The following DOCK5 variants were observed in gnomAD, a reference collection of about 807,000 sequenced individuals.
DOCK5 encodes the protein dedicator of cytokinesis protein 5.
Under a neutral mutation model 251.8 loss-of-function variants are expected in DOCK5, and 142 were observed. The observed-to-expected ratio is 0.56, with a 90% CI of 0.49 to 0.65. The LOEUF (loss-of-function observed/expected upper bound fraction) is 0.65, where lower values mean the gene tolerates loss of function less well. Ranked by LOEUF, DOCK5 falls within the 30% of genes least tolerant of loss-of-function variation. DOCK5 has a pLI of 0.00. For missense variants in DOCK5, 2,111 were observed against 2,312.3 expected (o/e 0.91, Z 1.79); for synonymous variants, 842 against 835.5 (o/e 1.01, Z -0.13).
intron 1 of DOCK5, among the ~76,000 whole-genome samples, chr8:25,225,756 C>T (rs1802516322): frequency 6.6e-6 from 1 of 151,470 alleles, no homozygotes; most frequent in African/African-American, 2.4e-5. Flanking sequence ...ATGGATGAAC[C>T]TTGAGGACGT....
At chr8:25,189,046 C>CTT (rs869176300) in intron 1 of DOCK5, among the ~76,000 whole-genome samples, 30 of 33,432 alleles carry the variant, frequency 9.0e-4, no homozygotes, top group African/African-American at 1.2e-3. Flanking sequence ...TTCTTTCTTT[C>CTT]TTTTTTTTTT....
chr8:25,186,818 T>G (rs1462084936), intron 1 of DOCK5, among the ~76,000 whole-genome samples: 2 of 152,226 alleles, frequency 1.3e-5, no homozygotes, highest in Non-Finnish European at 2.9e-5. Context: ...GTGGTTTTTA[T>G]TGCCATAGTC....
At position 25,412,364 on chromosome 8, in the gene DOCK5, T is replaced by G. The variant is rs926735058; in HGVS notation, c.*1066T>G. On this transcript the variant is annotated 3_prime_UTR_variant, in exon 52 of 52. Transcript: ENST00000276440. ...GCGATTTAGGTGACCAAATATTACA[T>G]ACATAAATAGCCACATGAAGTTTTA... 29 of 152,298 alleles carry G rather than the reference T, an allele frequency of 1.9e-4. No homozygotes were observed. The highest frequency in any genetic ancestry group is 6.7e-4 in the African/African-American group (28 of 41,566). The allele number at this position is 152,298 out of a possible 1,614,324, so 9.4% of individuals were successfully genotyped here. A position where few individuals can be genotyped will look rare whatever the true frequency, so the allele number is the denominator to read the frequency against.
At chr8:25,358,702 A>G (rs920257296) in intron 27 of DOCK5, among the ~76,000 whole-genome samples, 14 of 152,186 alleles carry the variant, frequency 9.2e-5, no homozygotes, top group African/African-American at 3.4e-4. Flanking sequence ...TGGTAATCTC[A>G]TTGAGGTGTC....
chr8:25,265,735 A>ACTTCTCCTAC (rs1426739997), intron 2 of DOCK5, among the ~76,000 whole-genome samples: 6 of 151,922 alleles, frequency 3.9e-5, no homozygotes, highest in African/African-American at 1.5e-4. Context: ...CGAGGAGAAG[A>ACTTCTCCTAC]ATCAGGGAAG....
chr8:25,404,993 T>C (rs1268735358), intron 48 of DOCK5, among the ~76,000 whole-genome samples: 2 of 152,212 alleles, frequency 1.3e-5, no homozygotes, highest in East Asian at 3.8e-4. Context: ...TGCCTGAAGT[T>C]GAACATCTTT....
At chr8:25,396,122 G>A (rs534313382) in intron 45 of DOCK5, among the ~76,000 whole-genome samples, 2 of 152,264 alleles carry the variant, frequency 1.3e-5, no homozygotes, top group Admixed American at 1.3e-4. Flanking sequence ...GTTCACACCT[G>A]TAATCCCAGG....
intron 1 of DOCK5, among the ~76,000 whole-genome samples, chr8:25,231,105 A>T (rs1249646952): frequency 6.6e-6 from 1 of 152,170 alleles, no homozygotes; most frequent in East Asian, 1.9e-4. Flanking sequence ...ACATATGTAT[A>T]TGCAAATTCA....
Position 25,392,908 on chromosome 8 carries a change from G to GA in DOCK5, c.4527+33dup, listed in dbSNP as rs753907775. 448 of 1,560,626 alleles carry GA rather than the reference G, an allele frequency of 2.9e-4. 1 individual carries two copies. The highest frequency in any genetic ancestry group is 3.6e-4 in the Non-Finnish European group (410 of 1,142,494). On this transcript the variant is annotated intron_variant, in intron 44 of 51. Coordinates refer to ENST00000276440, the MANE Select transcript of DOCK5 (RefSeq NM_024940.8). ...GTGAGTCATTTGAAATTGGCATTTA[G>GA]AAAAAAACTTTCTGTTTCCAAATAT...
At chr8:25,223,806 T>C (rs958623958) in intron 1 of DOCK5, among the ~76,000 whole-genome samples, 1 of 152,232 alleles carries the variant, frequency 6.6e-6, no homozygotes, top group African/African-American at 2.4e-5. Context: ...TTAAAATCTC[T>C]CTGAGATTAA....
intron 1 of DOCK5, among the ~76,000 whole-genome samples, chr8:25,225,408 C>A (rs920732621): frequency 6.6e-6 from 1 of 152,020 alleles, no homozygotes; most frequent in Non-Finnish European, 1.5e-5. Context: ...TATTATTCAG[C>A]CTTAAAAAGG....
Position 25,230,338 on chromosome 8 carries a change from G to A in DOCK5, c.44-13336G>A, listed in dbSNP as rs887761410. On this transcript the variant is annotated intron_variant, in intron 1 of 51. Coordinates refer to ENST00000276440, the MANE Select transcript of DOCK5 (RefSeq NM_024940.8). ...CTACTGAATCAGAAACTAGGTTTGG[G>A]ACCTTGCAACCTGGGTTGGAGGAAG... is the stretch of plus-strand genomic sequence containing the variant. 6.6e-5 allele frequency among the ~76,000 whole-genome samples: 10 copies of A among 152,120 alleles called. 1 individual carries two copies. The highest frequency in any genetic ancestry group is 1.3e-4 in the Non-Finnish European group (9 of 68,016).
chr8:25,226,820 C>T lies in DOCK5; in HGVS notation c.44-16854C>T, dbSNP rs540104700. Among the ~76,000 whole-genome samples, 65 of 152,150 alleles carry T rather than the reference C, an allele frequency of 4.3e-4. 2 individuals are homozygous for T. The highest frequency in any genetic ancestry group is 3.4e-3 in the Middle Eastern group (1 of 292). On this transcript the variant is annotated intron_variant, in intron 1 of 51. Transcript: ENST00000276440. ...CAAGATGGTCTCGATCTCCTGACTTCGTGATCCACCCGTCTTGGCCTCCCA... is the reference window on the plus strand; with the variant it reads ...CAAGATGGTCTCGATCTCCTGACTTTGTGATCCACCCGTCTTGGCCTCCCA...
chr8:25,369,112 T>C (rs1472301993), intron 33 of DOCK5, among the ~76,000 whole-genome samples: 1 of 152,232 alleles, frequency 6.6e-6, no homozygotes, highest in Non-Finnish European at 1.5e-5. Context: ...CTCTGTAGCT[T>C]TGAGAATGTC....
chr8:25,340,834 T>G, intron 22 of DOCK5, 43 bp from the exon 23 acceptor site: 1 of 1,533,312 alleles, frequency 6.5e-7, no homozygotes, highest in Non-Finnish European at 9.0e-7. Flanking sequence ...AAATTTCTTT[T>G]AACAATGGAA....
chr8:25,331,078 C>T (rs1475817076), intron 18 of DOCK5, among the ~76,000 whole-genome samples: 2 of 151,968 alleles, frequency 1.3e-5, no homozygotes, highest in Admixed American at 6.6e-5. Flanking sequence ...TACTGCACCC[C>T]AGCCCGGGTG....
chr8:25,380,437 T>C (rs1257688904), intron 39 of DOCK5, 43 bp downstream of exon 39: 3 of 1,497,636 alleles, frequency 2.0e-6, no homozygotes, highest in Admixed American at 3.8e-5. Flanking sequence ...ACAGGGTTGC[T>C]AAAATTAGCA....
At chr8:25,401,124 C>T (rs920764824) in intron 47 of DOCK5, 58 bp downstream of exon 47, 20 of 1,589,736 alleles carry the variant, frequency 1.3e-5, no homozygotes, top group Non-Finnish European at 1.7e-5. Context: ...CCTTTTATGA[C>T]ACTGATTCGT....
intron 40 of DOCK5, among the ~76,000 whole-genome samples, chr8:25,386,560 T>C (rs1226078095): frequency 6.6e-6 from 1 of 152,202 alleles, no homozygotes; most frequent in African/African-American, 2.4e-5. Context: ...ATCAAGCCAC[T>C]GCACTCCAGC....
Sources: gnomAD v4.1 joint callset for allele counts (sites outside exome capture counted in the v4.1 genomes callset) on GRCh38, gnomAD v4.1.1 for gene constraint, MANE v1.5 for transcripts, NCBI Gene and HGNC (gene_info 2026-07-23, HGNC 2026-07-21) for gene names.